DENND2A: variants seen among roughly 807,000 people sequenced by gnomAD.
The protein encoded by DENND2A is DENN domain-containing protein 2A.
Under a neutral mutation model 105.3 loss-of-function variants are expected in DENND2A, and 53 were observed. The ratio of observed to expected loss-of-function variants is 0.50; its 90% CI spans 0.40 to 0.63. DENND2A has a LOEUF of 0.63. Ranked by LOEUF, DENND2A falls within the 30% of genes least tolerant of loss-of-function variation. The probability of loss-of-function intolerance (pLI) is 0.00; values close to 1 mark genes in which losing one functional copy is unlikely to be tolerated. For synonymous variants in DENND2A, 522 were observed against 508.4 expected (o/e 1.03, Z -0.36); for missense variants, 1,138 against 1,279.6 (o/e 0.89, Z 1.69).
At chr7:140,532,355 A>G (rs1386132841) in intron 14 of DENND2A, among the ~76,000 whole-genome samples, 1 of 152,216 alleles carries the variant, frequency 6.6e-6, no homozygotes, top group Non-Finnish European at 1.5e-5. Context: ...ACGTTTGCCA[A>G]AGTGCCTAAA....
intron 19 of DENND2A, among the ~76,000 whole-genome samples, chr7:140,519,037 A>G (rs1021687946): frequency 6.6e-6 from 1 of 152,162 alleles, no homozygotes. Flanking sequence ...CCAGGGGAGG[A>G]GAAAGTGCCC....
intron 14 of DENND2A, among the ~76,000 whole-genome samples, chr7:140,532,286 C>CT (rs1420428826): frequency 1.3e-5 from 2 of 151,990 alleles, no homozygotes; most frequent in Admixed American, 6.6e-5. Context: ...TAAAAGAGAC[C>CT]TTAAGAAGGA....
Position 140,640,255 on chromosome 7 carries a change from C to T in DENND2A, c.-248+249G>A, listed in dbSNP as rs1801145438. 1 of 152,378 alleles carries T rather than the reference C, an allele frequency of 6.6e-6. No individual in the cohort carries two copies. The highest frequency in any genetic ancestry group is 2.1e-4 in the South Asian group (1 of 4,832). The allele number at this position is 152,378 out of a possible 1,614,324, so 9.4% of individuals were successfully genotyped here. A position where few individuals can be genotyped will look rare whatever the true frequency, so the allele number is the denominator to read the frequency against. On this transcript the variant is annotated intron_variant, in intron 1 of 19. Transcript: ENST00000496613. This position sits in a 1 kb window ranked among gnomAD's most constrained non-coding sequence, Gnocchi z 4.9. ...GGGGGTCTACCGGCTTTCTGCAGGT[C>T]CCCGAGGCGCGAGACGGCGGCGTCC...
At chr7:140,531,067 C>T (rs1055695624) in intron 14 of DENND2A, among the ~76,000 whole-genome samples, 3 of 152,134 alleles carry the variant, frequency 2.0e-5, no homozygotes, top group African/African-American at 7.2e-5. Context: ...AGATCTACAT[C>T]TTCTGTCAAA....
rs201197656 is a variant in DENND2A, at chr7:140,573,989, G to A, written c.1265C>T (p.Ala422Val). The change falls in exon 6 of 20, where the codon GCT becomes GTT. Residue 422 changes from alanine (A) to valine (V), a missense_variant. Ala to Val is a moderately conservative substitution (Grantham distance 64, BLOSUM62 0). This residue lies in a region of DENND2A where 627 missense variants were observed against 779.8 expected (regional missense o/e 0.80). Coordinates refer to ENST00000496613, the MANE Select transcript of DENND2A (RefSeq NM_015689.5). ...CCTCTCTGAATTTTGTCGGAAAAAA[G>A]CAGGTTTGGACAATGACTGCTGTGA... ...TLTKQSLSKPAFFRQNSERRN... is the reference protein window; with the variant it reads ...TLTKQSLSKPVFFRQNSERRN... 8.9e-4 allele frequency: 1,441 copies of A among 1,614,016 alleles called. No homozygotes were observed. Among genetic ancestry groups the A allele is most frequent in the Admixed American group, 1.2e-3 (74 of 59,992 alleles).
At chr7:140,617,222 G>T (rs1800113588) in intron 1 of DENND2A, among the ~76,000 whole-genome samples, 1 of 152,208 alleles carries the variant, frequency 6.6e-6, no homozygotes, top group African/African-American at 2.4e-5. Flanking sequence ...TCTGACGCAG[G>T]TGCTACCAGC....
chr7:140,598,332 C>T (rs895787598), intron 3 of DENND2A, among the ~76,000 whole-genome samples: 14 of 152,130 alleles, frequency 9.2e-5, no homozygotes, highest in Admixed American at 1.3e-4. Context: ...AACTTGATAA[C>T]ATAAAAACAT....
intron 1 of DENND2A, chr7:140,609,843 G>A (rs1327007810): frequency 6.6e-6 from 1 of 152,178 alleles, no homozygotes. Flanking sequence ...AAGAAGCTGG[G>A]TGGGACTGGT....
In DENND2A at chr7:140,640,795, T is replaced by A. The variant is rs2130754574; in HGVS notation, c.-539A>T. 6.7e-6 allele frequency: 1 copy of A among 148,468 alleles called. No individual in the cohort carries two copies. Among genetic ancestry groups the A allele is most frequent in the South Asian group, 2.1e-4 (1 of 4,684 alleles). The allele number at this position is 148,468 out of a possible 1,614,324, so 9.2% of individuals were successfully genotyped here. On this transcript the variant is annotated 5_prime_UTR_variant, in exon 1 of 20. Coordinates refer to ENST00000496613, the MANE Select transcript of DENND2A (RefSeq NM_015689.5). The surrounding 1 kb of genome is among the most constrained non-coding windows in gnomAD (Gnocchi z 4.9). ...CCGCGGCCCCTGCCTCCTCCTGCCGTGGCTCCGCGACGATCTGCGCGACGC... is the reference window on the plus strand; with the variant it reads ...CCGCGGCCCCTGCCTCCTCCTGCCGAGGCTCCGCGACGATCTGCGCGACGC...
At chr7:140,519,823 T>A in intron 18 of DENND2A, 105 bp from the exon 19 acceptor site, 1 of 1,001,058 alleles carries the variant, frequency 1.0e-6, no homozygotes, top group Non-Finnish European at 1.6e-6. Context: ...TTTCTGAGAC[T>A]AAGCTGCTCC....
intron 17 of DENND2A, 119 bp from the exon 18 acceptor site, chr7:140,522,219 C>G: frequency 7.5e-7 from 1 of 1,325,634 alleles, no homozygotes; most frequent in Non-Finnish European, 1.0e-6. Context: ...ATGGAAACTG[C>G]GATTATCCAG....
At chr7:140,610,220 C>T (rs1264200427) in intron 1 of DENND2A, among the ~76,000 whole-genome samples, 1 of 151,542 alleles carries the variant, frequency 6.6e-6, no homozygotes, top group Non-Finnish European at 1.5e-5. Flanking sequence ...ATCCTCCCAC[C>T]TTGGCCTCCC....
intron 11 of DENND2A, among the ~76,000 whole-genome samples, chr7:140,556,858 T>C (rs181482920): frequency 4.1e-4 from 62 of 152,288 alleles, no homozygotes; most frequent in Non-Finnish European, 6.0e-4. Context: ...TTACTGAAGA[T>C]TTTCAAAAGA....
intron 4 of DENND2A, among the ~76,000 whole-genome samples, chr7:140,586,880 C>T (rs1348911142): frequency 1.3e-5 from 2 of 152,128 alleles, no homozygotes; most frequent in Non-Finnish European, 2.9e-5. Context: ...CTACCTGCCC[C>T]TCACCAGCAC....
intron 12 of DENND2A, among the ~76,000 whole-genome samples, chr7:140,549,964 A>G (rs1195919797): frequency 6.6e-6 from 1 of 152,244 alleles, no homozygotes; most frequent in Non-Finnish European, 1.5e-5. Flanking sequence ...AAGTACAGAT[A>G]CATGCTACGA....
rs934959473 is a variant in DENND2A at position 140,518,645 on chromosome 7, C to A, written c.*62G>T. The A allele has an allele frequency of 1.3e-6, 2 of 1,562,604 alleles. No individual in the cohort carries two copies. The highest frequency in any genetic ancestry group is 8.8e-7 in the Non-Finnish European group (1 of 1,135,826). On this transcript the variant is annotated 3_prime_UTR_variant, in exon 20 of 20. Transcript: ENST00000496613. ...GGGACCCAGCCTTTCAGAAAGGCCA[C>A]CAGGAACTGTTTTTAAAGCATAGGG...
At chr7:140,596,332 A>G (rs1412365205) in intron 3 of DENND2A, among the ~76,000 whole-genome samples, 2 of 152,248 alleles carry the variant, frequency 1.3e-5, no homozygotes, top group African/African-American at 4.8e-5. Flanking sequence ...TCTAAACATC[A>G]ACTTAATCAA....
intron 1 of DENND2A, among the ~76,000 whole-genome samples, chr7:140,637,097 G>A (rs2130747607): frequency 6.6e-6 from 1 of 152,098 alleles, no homozygotes; most frequent in South Asian, 2.1e-4. Context: ...TGATCTGCCT[G>A]CCTCGGCCTC....
intron 19 of DENND2A, among the ~76,000 whole-genome samples, chr7:140,519,315 A>T (rs573998262): frequency 6.6e-6 from 1 of 152,288 alleles, no homozygotes; most frequent in African/African-American, 2.4e-5. Context: ...TTCTTGCCAG[A>T]CGTCCTTGTC....
Sources: gnomAD v4.1 joint callset for allele counts (sites outside exome capture counted in the v4.1 genomes callset) on GRCh38, gnomAD v4.1.1 for gene constraint, gnomAD v4.1.1 regional missense constraint, Gnocchi (gnomAD v3.1) non-coding constraint, MANE v1.5 for transcripts, NCBI Gene and HGNC (gene_info 2026-07-23, HGNC 2026-07-21) for gene names.